PLEKHA5: variants seen among roughly 807,000 people sequenced by gnomAD.
PLEKHA5 encodes pleckstrin homology domain-containing family A member 5.
In PLEKHA5, 55 loss-of-function variants were observed where a neutral mutation model predicts 181.9. The ratio of observed to expected loss-of-function variants is 0.30; its 90% CI spans 0.24 to 0.38. The LOEUF (loss-of-function observed/expected upper bound fraction) is 0.38, where lower values mean the gene tolerates loss of function less well. PLEKHA5 is among the 10% of genes least tolerant of loss of function. The pLI, the probability that PLEKHA5 is intolerant of heterozygous loss-of-function variation, is 1.00. For missense variants in PLEKHA5, 1,432 were observed against 1,549.5 expected (o/e 0.92, Z 1.27); for synonymous variants, 535 against 529.4 (o/e 1.01, Z -0.15).
chr12:19,243,576 C>T (rs1383946388), intron 3 of PLEKHA5: 1 of 151,938 alleles, frequency 6.6e-6, no homozygotes, highest in Non-Finnish European at 1.5e-5. Flanking sequence ...GGAAATTATC[C>T]GTTTTCTAAA....
chr12:19,229,054 C>T (rs970978162), intron 3 of PLEKHA5, among the ~76,000 whole-genome samples: 2 of 152,152 alleles, frequency 1.3e-5, no homozygotes, highest in East Asian at 1.9e-4. Flanking sequence ...GAAATCTGCC[C>T]TCCAGTATCA....
chr12:19,319,274 T>A (rs918453887), intron 16 of PLEKHA5, among the ~76,000 whole-genome samples: 1 of 152,210 alleles, frequency 6.6e-6, no homozygotes, highest in African/African-American at 2.4e-5. Context: ...CTGCATACCC[T>A]TAAATAGTCA....
At chr12:19,247,766 A>G (rs1489568878) in intron 3 of PLEKHA5, among the ~76,000 whole-genome samples, 2 of 151,710 alleles carry the variant, frequency 1.3e-5, no homozygotes, top group African/African-American at 2.4e-5. Flanking sequence ...AAAAAAAAAA[A>G]AGGTAGGGGG....
At chr12:19,159,258 C>T (rs1375544144) in intron 3 of PLEKHA5, among the ~76,000 whole-genome samples, 1 of 152,090 alleles carries the variant, frequency 6.6e-6, no homozygotes, top group African/African-American at 2.4e-5. Context: ...CCATTTTATT[C>T]TTTATTCCTT....
rs115274419 is a variant in PLEKHA5, at chr12:19,183,251, T to G, written c.227+50801T>G. Among the ~76,000 whole-genome samples the G allele has an allele frequency of 2.1e-3, 323 of 152,288 alleles. 2 individuals are homozygous for G. Among genetic ancestry groups the G allele is most frequent in the African/African-American group, 7.4e-3 (309 of 41,560 alleles). ...ATAAATAGTATCTCCCTTGTATAGA[T>G]TAAAGAAAGCTGTTATCATTATCAG... On this transcript the variant is annotated intron_variant, in intron 3 of 31. Transcript: ENST00000429027.
intron 15 of PLEKHA5, among the ~76,000 whole-genome samples, chr12:19,294,772 T>G (rs1318405261): frequency 6.6e-6 from 1 of 152,134 alleles, no homozygotes; most frequent in Non-Finnish European, 1.5e-5. Context: ...AAATAAAAAA[T>G]AAAATAGCCT....
chr12:19,145,687 C>T (rs576180719), intron 3 of PLEKHA5, among the ~76,000 whole-genome samples: 1 of 152,088 alleles, frequency 6.6e-6, no homozygotes, highest in African/African-American at 2.4e-5. Context: ...TTCCCCCGCC[C>T]CCTGCCCAAT....
chr12:19,135,066 T>G (rs938043081), intron 3 of PLEKHA5, among the ~76,000 whole-genome samples: 2 of 152,148 alleles, frequency 1.3e-5, no homozygotes, highest in African/African-American at 4.8e-5. Flanking sequence ...CCTTTGACTA[T>G]TCCTAATCCT....
intron 3 of PLEKHA5, among the ~76,000 whole-genome samples, chr12:19,136,121 C>A (rs913367765): frequency 6.6e-6 from 1 of 152,050 alleles, no homozygotes; most frequent in Non-Finnish European, 1.5e-5. Context: ...CCTAGGCTCA[C>A]GCAATCCTCC....
chr12:19,348,162 T>A (rs2094431217), intron 24 of PLEKHA5, among the ~76,000 whole-genome samples: 1 of 152,130 alleles, frequency 6.6e-6, no homozygotes, highest in Non-Finnish European at 1.5e-5. Flanking sequence ...AGATTACAGG[T>A]GTGAGCCACT....
chr12:19,154,420 A>C (rs1005769024), intron 3 of PLEKHA5: 59 of 152,234 alleles, frequency 3.9e-4, no homozygotes, highest in African/African-American at 1.4e-3. Flanking sequence ...AAAGGTATAT[A>C]GTTTTAAAAT....
chr12:19,286,390 G>A (rs764888703), intron 12 of PLEKHA5, among the ~76,000 whole-genome samples: 8 of 152,152 alleles, frequency 5.3e-5, no homozygotes, highest in African/African-American at 1.7e-4. Context: ...GAGCTATAGC[G>A]CAGTGTCAAA....
At chr12:19,306,359 C>G (rs1158816196) in intron 15 of PLEKHA5, 1 of 467,740 alleles carries the variant, frequency 2.1e-6, no homozygotes, top group Non-Finnish European at 4.2e-6. Flanking sequence ...CTCGTGCTCT[C>G]CAACTAGCGT....
chr12:19,208,420 A>C (rs76574911), intron 3 of PLEKHA5, among the ~76,000 whole-genome samples: 2 of 24,142 alleles, frequency 8.3e-5, no homozygotes, highest in African/African-American at 1.2e-4. Context: ...AAAAAAAAAA[A>C]AGTTCATTTT....
At chr12:19,232,875 T>C (rs971618470) in intron 3 of PLEKHA5, among the ~76,000 whole-genome samples, 2 of 152,156 alleles carry the variant, frequency 1.3e-5, no homozygotes, top group Non-Finnish European at 2.9e-5. Flanking sequence ...TGTTTAGAAG[T>C]TGTTGGCCCC....
chr12:19,219,221 G>T (rs1217496225), intron 3 of PLEKHA5, among the ~76,000 whole-genome samples: 1 of 152,040 alleles, frequency 6.6e-6, no homozygotes, highest in African/African-American at 2.4e-5. Flanking sequence ...GTTTACACGG[G>T]GGTGATGATT....
At chr12:19,283,239 C>T in intron 11 of PLEKHA5, 41 bp from the exon 12 acceptor site, 1 of 995,914 alleles carries the variant, frequency 1.0e-6, no homozygotes. Flanking sequence ...TGGAAAATAA[C>T]CCTCCTTCAT....
At chr12:19,154,279 T>C (rs1289291658) in intron 3 of PLEKHA5, 1 of 152,170 alleles carries the variant, frequency 6.6e-6, no homozygotes, top group African/African-American at 2.4e-5. Context: ...AAATAGTATA[T>C]AATGAATCTT....
chr12:19,341,117 CA>C (rs1175189269), intron 21 of PLEKHA5, among the ~76,000 whole-genome samples: 1 of 151,800 alleles, frequency 6.6e-6, no homozygotes, highest in East Asian at 1.9e-4. Context: ...TACTAAAATA[CA>C]AAAAAAGAGA....
Sources: gnomAD v4.1 joint callset for allele counts (sites outside exome capture counted in the v4.1 genomes callset) on GRCh38, gnomAD v4.1.1 for gene constraint, MANE v1.5 for transcripts, NCBI Gene and HGNC (gene_info 2026-07-23, HGNC 2026-07-21) for gene names.